Variants in GALNT13 observed in about 807,000 individuals in gnomAD.
GALNT13 encodes the protein polypeptide N-acetylgalactosaminyltransferase 13.
A neutral mutation model predicts 64.2 loss-of-function variants in GALNT13; 28 were observed. The ratio of observed to expected loss-of-function variants is 0.44; its 90% CI spans 0.32 to 0.60. GALNT13 has a LOEUF of 0.60. Among genes scored for constraint, GALNT13 ranks in the 20% least tolerant of loss-of-function variants. GALNT13 has a pLI of 0.05. For synonymous variants in GALNT13, 214 were observed against 224.6 expected, an observed-to-expected ratio of 0.95 and a Z score of 0.42; for missense variants, 577 against 669.8, an observed-to-expected ratio of 0.86 and a Z score of 1.53.
chr2:153,096,760 G>A, the GALNT13 span, among the ~76,000 whole-genome samples: 1 of 152,036 alleles, frequency 6.6e-6, no homozygotes, highest in Non-Finnish European at 1.5e-5. Context: ...TGTCTTTATA[G>A]GTGAAGTGTG....
chr2:153,775,966 A>G, the GALNT13 span, among the ~76,000 whole-genome samples: 1 of 152,158 alleles, frequency 6.6e-6, no homozygotes, highest in East Asian at 1.9e-4. Flanking sequence ...AACTTTGTCC[A>G]TAATAAATTA....
the GALNT13 span, among the ~76,000 whole-genome samples, chr2:153,533,515 T>C: frequency 6.6e-6 from 1 of 151,948 alleles, no homozygotes; most frequent in African/African-American, 2.4e-5. Flanking sequence ...CCTCCCAAAG[T>C]GCTGGATTAC....
At chr2:154,221,251 A>G (rs778196766) in intron 4 of GALNT13, among the ~76,000 whole-genome samples, 18 of 151,970 alleles carry the variant, frequency 1.2e-4, no homozygotes, top group Non-Finnish European at 2.4e-4. Flanking sequence ...TATCATACGA[A>G]TAATTATTAA....
intron 3 of GALNT13, among the ~76,000 whole-genome samples, chr2:153,964,437 A>G (rs1321648071): frequency 6.6e-6 from 1 of 152,200 alleles, no homozygotes; most frequent in East Asian, 1.9e-4. Flanking sequence ...CTACAGAGCA[A>G]GACTCTGTCT....
At chr2:153,349,921 C>T in the GALNT13 span, among the ~76,000 whole-genome samples, 1 of 152,060 alleles carries the variant, frequency 6.6e-6, no homozygotes, top group African/African-American at 2.4e-5. Context: ...GAGATTTGGA[C>T]AAAACATTTA....
At chr2:153,259,386 C>T in the GALNT13 span, among the ~76,000 whole-genome samples, 2 of 151,062 alleles carry the variant, frequency 1.3e-5, no homozygotes, top group South Asian at 2.1e-4. Flanking sequence ...TCCATTCTGC[C>T]ACTCTGTCTT....
intron 1 of GALNT13, among the ~76,000 whole-genome samples, chr2:153,888,302 C>G (rs892005287): frequency 5.3e-5 from 8 of 151,800 alleles, no homozygotes; most frequent in African/African-American, 1.9e-4. Context: ...TTCCTCAGCT[C>G]CAAGAACATA....
chr2:154,330,625 G>GC, intron 9 of GALNT13, among the ~76,000 whole-genome samples: 1 of 152,142 alleles, frequency 6.6e-6, no homozygotes, highest in South Asian at 2.1e-4. Flanking sequence ...AGGGACCAGT[G>GC]ATTTGGCCAT....
chr2:153,312,641 A>C, the GALNT13 span, among the ~76,000 whole-genome samples: 1 of 152,202 alleles, frequency 6.6e-6, no homozygotes, highest in African/African-American at 2.4e-5. Flanking sequence ...TAGAAATTCC[A>C]GGGTTAATGT....
chr2:153,323,938 G>T, the GALNT13 span, among the ~76,000 whole-genome samples: 1 of 152,060 alleles, frequency 6.6e-6, no homozygotes, highest in Non-Finnish European at 1.5e-5. Context: ...CTCCAGCTTT[G>T]TTCTTTTTGC....
At chr2:153,719,115 T>A in the GALNT13 span, among the ~76,000 whole-genome samples, 2 of 152,112 alleles carry the variant, frequency 1.3e-5, no homozygotes, top group African/African-American at 2.4e-5. Flanking sequence ...GTCTTCATAT[T>A]TAATGTTGAT....
At chr2:153,803,655 G>T in the GALNT13 span, among the ~76,000 whole-genome samples, 1 of 136,934 alleles carries the variant, frequency 7.3e-6, no homozygotes, top group South Asian at 2.2e-4. Context: ...TAGCGCCACT[G>T]CACTCCAGCC....
intron 3 of GALNT13, among the ~76,000 whole-genome samples, chr2:154,137,867 T>A (rs1489696538): frequency 1.3e-5 from 2 of 152,182 alleles, no homozygotes; most frequent in Non-Finnish European, 2.9e-5. Context: ...TGGGTTATTT[T>A]AAGCTGCAGG....
At chr2:153,409,641 G>A in the GALNT13 span, among the ~76,000 whole-genome samples, 1 of 151,912 alleles carries the variant, frequency 6.6e-6, no homozygotes, top group African/African-American at 2.4e-5. Context: ...CAGACAGCAA[G>A]AAGAATACAG....
chr2:153,147,991 G>C, the GALNT13 span, among the ~76,000 whole-genome samples: 4 of 151,786 alleles, frequency 2.6e-5, no homozygotes, highest in African/African-American at 9.7e-5. Context: ...CAAAACAAGA[G>C]TAAACGTATA....
In GALNT13 at chr2:154,345,518, T is replaced by A. The variant is rs146765335; in HGVS notation, c.1156+43929T>A. Among the ~76,000 whole-genome samples the A allele has an allele frequency of 1.4e-3, 208 of 152,202 alleles. 2 individuals carry two copies. The highest frequency in any genetic ancestry group is 2.1e-3 in the Non-Finnish European group (146 of 67,968). On this transcript the variant is annotated intron_variant, in intron 9 of 12. Coordinates refer to ENST00000392825, the MANE Select transcript of GALNT13 (RefSeq NM_052917.4). The stretch of plus-strand genomic sequence containing the variant: ...GTGCGTAAAATGTGCCTAGATTGAT[T>A]AAAGAACTGAGTTTTAAATTTTATT...
chr2:154,353,566 C>T (rs777231908), intron 9 of GALNT13, among the ~76,000 whole-genome samples: 11 of 152,068 alleles, frequency 7.2e-5, no homozygotes, highest in Admixed American at 1.3e-4. Flanking sequence ...TGGTATCTCC[C>T]CATTTTCTCT....
At chr2:153,760,509 A>G in the GALNT13 span, among the ~76,000 whole-genome samples, 1 of 152,072 alleles carries the variant, frequency 6.6e-6, no homozygotes, top group Non-Finnish European at 1.5e-5. Flanking sequence ...ATTATTCAAG[A>G]ATATATTGTT....
At chr2:154,227,096 G>A (rs75341939) in intron 4 of GALNT13, among the ~76,000 whole-genome samples, 6,876 of 152,028 alleles carry the variant, frequency 0.045, 475 homozygotes, top group African/African-American at 0.15. Flanking sequence ...ATCATCTCTC[G>A]TAGTCAGGGT....
Sources: gnomAD v4.1 joint callset for allele counts (sites outside exome capture counted in the v4.1 genomes callset) on GRCh38, gnomAD v4.1.1 for gene constraint, MANE v1.5 for transcripts, NCBI Gene and HGNC (gene_info 2026-07-23, HGNC 2026-07-21) for gene names.